Variants in SFXN5 observed in about 807,000 individuals in gnomAD.
SFXN5 encodes the protein sideroflexin 5, also known as sideroflexin-5.
In SFXN5, 43 loss-of-function variants were observed where a neutral mutation model predicts 50.2. The observed-to-expected ratio is 0.86, with a 90% CI of 0.67 to 1.11. The LOEUF is 1.11. Ranked by LOEUF, SFXN5 falls within the 50% of genes least tolerant of loss-of-function variation. SFXN5 has a pLI of 0.00. For synonymous variants in SFXN5, 203 were observed against 185.8 expected (o/e 1.09, Z -0.75); for missense variants, 463 against 454.1 (o/e 1.02, Z -0.18).
intron 6 of SFXN5, among the ~76,000 whole-genome samples, chr2:73,011,147 C>G (rs1422495877): frequency 1.3e-5 from 2 of 152,212 alleles, no homozygotes; most frequent in Non-Finnish European, 2.9e-5. Context: ...TCAAACTCCT[C>G]AGCTCAAGTA....
At position 72,988,277 on chromosome 2, in the gene SFXN5, A is replaced by T. The variant is rs1387909945; in HGVS notation, c.606T>A (p.Phe202Leu). ...TCTTACCTACAGCAGGGAACGGCAC[A>T]AACCTCTGGATGAGAAGGCGGGTGG... Reference protein sequence around the residue: ...TPATRLLIQRFVPFPAVASAN... With the variant: ...TPATRLLIQRLVPFPAVASAN... Residue 202 changes from phenylalanine to leucine, a missense_variant, in exon 10 of 14, where the codon TTT becomes TTA. Physicochemically the swap from Phe to Leu is conservative, Grantham distance 22. Transcript: ENST00000272433. 8.1e-6 allele frequency: 13 copies of T among 1,613,730 alleles called. No homozygotes were observed. Among genetic ancestry groups the T allele is most frequent in the Non-Finnish European group, 1.1e-5 (13 of 1,179,844 alleles).
At chr2:72,981,668 C>T (rs897029884) in intron 10 of SFXN5, among the ~76,000 whole-genome samples, 5 of 152,184 alleles carry the variant, frequency 3.3e-5, no homozygotes, top group African/African-American at 1.2e-4. Flanking sequence ...CTGCCTGTGT[C>T]CTCTTGGGGC....
rs533572492 is a variant in SFXN5, at chr2:72,965,056, G to A, written c.827+3392C>T. Among the ~76,000 whole-genome samples, 163 of 152,312 alleles carry A rather than the reference G, an allele frequency of 1.1e-3. 1 individual carries two copies. Among genetic ancestry groups the A allele is most frequent in the African/African-American group, 3.9e-3 (161 of 41,564 alleles). On this transcript the variant is annotated intron_variant, in intron 12 of 13. Coordinates refer to ENST00000272433, the MANE Select transcript of SFXN5 (RefSeq NM_144579.3). ...GCATTTCCCAAGACCACCCTGGCCTGCCACACCCCCTGATCCTGTACCTAA... is the reference window on the plus strand; with the variant it reads ...GCATTTCCCAAGACCACCCTGGCCTACCACACCCCCTGATCCTGTACCTAA...
intron 7 of SFXN5, among the ~76,000 whole-genome samples, chr2:73,000,727 C>T (rs533096290): frequency 6.6e-6 from 1 of 152,198 alleles, no homozygotes; most frequent in Non-Finnish European, 1.5e-5. Context: ...TGGGGTCCTG[C>T]GCACCCCAGT....
At chr2:72,966,369 C>T (rs1298500002) in intron 12 of SFXN5, among the ~76,000 whole-genome samples, 2 of 152,214 alleles carry the variant, frequency 1.3e-5, no homozygotes, top group African/African-American at 4.8e-5. Context: ...ACCTTCCTCA[C>T]CTGCCCCGCT....
At chr2:73,041,606 C>A (rs1036999154) in intron 2 of SFXN5, 12 of 416,958 alleles carry the variant, frequency 2.9e-5, no homozygotes, top group African/African-American at 2.3e-4. Context: ...AGGAAAATCA[C>A]CTGAACCCAG....
intron 10 of SFXN5, among the ~76,000 whole-genome samples, chr2:72,986,052 C>T (rs534531790): frequency 1.3e-5 from 2 of 152,362 alleles, no homozygotes; most frequent in Middle Eastern, 6.8e-3. Flanking sequence ...CAGGCTGCAT[C>T]TGACCCTGCA....
chr2:73,001,264 A>C (rs138935659), intron 7 of SFXN5, among the ~76,000 whole-genome samples: 33 of 152,364 alleles, frequency 2.2e-4, no homozygotes, highest in Middle Eastern at 3.4e-3. Flanking sequence ...TGTTCCAGGC[A>C]GGGGCACGCA....
Position 72,953,046 on chromosome 2 carries a change from C to T in SFXN5, c.946-7947G>A, listed in dbSNP as rs544002377. On this transcript the variant is annotated intron_variant, in intron 13 of 13. Coordinates refer to ENST00000272433, the MANE Select transcript of SFXN5 (RefSeq NM_144579.3). The surrounding 1 kb of genome is among the most constrained non-coding windows in gnomAD (Gnocchi z 4.1). The stretch of plus-strand genomic sequence containing the variant: ...GGGAAAGGCTGTCAGGCAGCCCCGC[C>T]GAGGCCTGCCACCCGGGCATGTGTA... 1.3e-5 allele frequency among the ~76,000 whole-genome samples: 2 copies of T among 152,320 alleles called. No individual in the cohort carries two copies. Among genetic ancestry groups the T allele is most frequent in the Middle Eastern group, 3.4e-3 (1 of 294 alleles).
At chr2:73,044,701 T>G (rs573889453) in intron 2 of SFXN5, 1 of 152,404 alleles carries the variant, frequency 6.6e-6, no homozygotes, top group African/African-American at 2.4e-5. Flanking sequence ...GGGGCCCGGC[T>G]GTGGTTAGTG....
At chr2:72,964,035 G>A (rs539802054) in intron 12 of SFXN5, among the ~76,000 whole-genome samples, 12 of 152,332 alleles carry the variant, frequency 7.9e-5, no homozygotes, top group African/African-American at 2.9e-4. Flanking sequence ...TCAGAGTCAA[G>A]GCCAACTGAG....
intron 2 of SFXN5, among the ~76,000 whole-genome samples, chr2:73,052,043 A>T: frequency 6.6e-6 from 1 of 152,072 alleles, no homozygotes; most frequent in Middle Eastern, 3.2e-3. Context: ...ATGTGTTACA[A>T]TCCATTGCTG....
intron 6 of SFXN5, among the ~76,000 whole-genome samples, chr2:73,013,509 A>C (rs1675800194): frequency 6.6e-6 from 1 of 151,786 alleles, no homozygotes; most frequent in African/African-American, 2.4e-5. Flanking sequence ...CATTGCATTG[A>C]AATCTATAAG....
intron 12 of SFXN5, chr2:72,967,200 A>G (rs1674517892): frequency 6.6e-6 from 1 of 152,222 alleles, no homozygotes; most frequent in Admixed American, 6.5e-5. Flanking sequence ...GAGAGAATGC[A>G]TTCACTCACT....
chr2:72,972,417 G>A (rs1047173754), intron 10 of SFXN5, among the ~76,000 whole-genome samples: 4 of 152,240 alleles, frequency 2.6e-5, no homozygotes, highest in Admixed American at 1.3e-4. Context: ...TCCTATGGCT[G>A]AGTGCCTGCC....
chr2:72,977,263 T>C (rs1670734535), intron 10 of SFXN5, among the ~76,000 whole-genome samples: 1 of 152,196 alleles, frequency 6.6e-6, no homozygotes, highest in South Asian at 2.1e-4. Context: ...GACTCGCCCT[T>C]TGTAAAGTAA....
Position 72,950,759 on chromosome 2 carries a change from C to A in SFXN5, c.946-5660G>T, listed in dbSNP as rs1672442342. Among the ~76,000 whole-genome samples, 1 of 152,244 alleles carries A rather than the reference C, an allele frequency of 6.6e-6. No individual in the cohort carries two copies. The highest frequency in any genetic ancestry group is 2.4e-5 in the African/African-American group (1 of 41,468). On this transcript the variant is annotated intron_variant, in intron 13 of 13. Coordinates refer to ENST00000272433, the MANE Select transcript of SFXN5 (RefSeq NM_144579.3). This position sits in a 1 kb window ranked among gnomAD's most constrained non-coding sequence, Gnocchi z 4.2. ...TCAGGTCTGAGCAAAGGCAATAAAG[C>A]ATCTCTTCCTGCTGCCCAACCAACT...
At chr2:73,010,405 A>G (rs895091971) in intron 6 of SFXN5, among the ~76,000 whole-genome samples, 1 of 152,238 alleles carries the variant, frequency 6.6e-6, no homozygotes, top group African/African-American at 2.4e-5. Flanking sequence ...CTGGAACTCC[A>G]GCAGCCATCT....
intron 2 of SFXN5, among the ~76,000 whole-genome samples, chr2:73,053,954 A>T (rs993479366): frequency 6.6e-6 from 1 of 152,144 alleles, no homozygotes; most frequent in Non-Finnish European, 1.5e-5. Context: ...TCCAGCATTG[A>T]GGGGGAGCCT....
Sources: gnomAD v4.1 joint callset for allele counts (sites outside exome capture counted in the v4.1 genomes callset) on GRCh38, gnomAD v4.1.1 for gene constraint, Gnocchi (gnomAD v3.1) non-coding constraint, MANE v1.5 for transcripts, NCBI Gene and HGNC (gene_info 2026-07-23, HGNC 2026-07-21) for gene names.